GALNT15: variants seen among roughly 807,000 people sequenced by gnomAD.
GALNT15 encodes the protein polypeptide N-acetylgalactosaminyltransferase 15.
Under a neutral mutation model 66.8 loss-of-function variants are expected in GALNT15, and 67 were observed. The observed-to-expected ratio is 1.00, with a 90% CI of 0.82 to 1.23. The LOEUF is 1.23. Among genes scored for constraint, GALNT15 ranks in the 50% most tolerant of loss-of-function variants. The pLI is 0.00. For missense variants in GALNT15, 827 were observed against 804.3 expected (o/e 1.03, Z -0.34); for synonymous variants, 313 against 311.5 (o/e 1.00, Z -0.05).
chr3:16,233,880 T>C (rs573779132), downstream of GALNT15, among the ~76,000 whole-genome samples: 31 of 152,276 alleles, frequency 2.0e-4, no homozygotes, highest in Admixed American at 2.0e-3. Context: ...TAATATGGAT[T>C]TGGAATAACA....
Position 16,228,140 on chromosome 3 carries a change from C to T in GALNT15, c.*640C>T, listed in dbSNP as rs561299007. The T allele has an allele frequency of 1.2e-5, 12 of 985,954 alleles. No homozygotes were observed. Among genetic ancestry groups the T allele is most frequent in the Non-Finnish European group, 1.4e-5 (12 of 830,020 alleles). 61.1% of individuals were successfully genotyped at this position (985,954 alleles called of 1,614,324 possible). On this transcript the variant is annotated 3_prime_UTR_variant, in exon 10 of 10. Coordinates refer to ENST00000339732, the MANE Select transcript of GALNT15 (RefSeq NM_054110.5). ...AAGCTTCAAGAGATCTAGGAAAAGACATTTTCATGTTAATGAGAATTTCCA... is the reference window on the plus strand; with the variant it reads ...AAGCTTCAAGAGATCTAGGAAAAGATATTTTCATGTTAATGAGAATTTCCA...
rs2063581460 is a variant in GALNT15, at chr3:16,191,730, T to A, written c.540-4030T>A. ...GAGCTAGAGTTTAAATACAAATTTC[T>A]TTCATTGAAGGAGGCCCTGCTCCAT... On this transcript the variant is annotated intron_variant, in intron 1 of 9. Transcript: ENST00000339732. This position sits in a 1 kb window ranked among gnomAD's most constrained non-coding sequence, Gnocchi z 5.2. 6.6e-6 allele frequency among the ~76,000 whole-genome samples: 1 copy of A among 152,196 alleles called. No individual in the cohort carries two copies. The highest frequency in any genetic ancestry group is 2.4e-5 in the African/African-American group (1 of 41,438).
intron 8 of GALNT15, among the ~76,000 whole-genome samples, chr3:16,220,621 A>G (rs1310089514): frequency 6.6e-5 from 10 of 152,178 alleles, no homozygotes; most frequent in Admixed American, 6.5e-4. Context: ...CTTGTCCCCA[A>G]GTCTCTCTCT....
chr3:16,233,523 C>A (rs545816707), downstream of GALNT15, among the ~76,000 whole-genome samples: 2 of 152,128 alleles, frequency 1.3e-5, no homozygotes, highest in African/African-American at 2.4e-5. Context: ...GTTTTTTAAC[C>A]TTTTTTTGTT....
rs2063684969 is a variant in GALNT15, at chr3:16,200,260, A to AT, written c.707-357dup. Among the ~76,000 whole-genome samples the AT allele has an allele frequency of 6.6e-6, 1 of 152,136 alleles. No individual in the cohort carries two copies. The highest frequency in any genetic ancestry group is 2.4e-5 in the African/African-American group (1 of 41,424). ...CAGGTCCCTCCCTCGCCACATAGGGATTATGGGGATTACCACTCAAGATGA... is the reference window on the plus strand; with the variant it reads ...CAGGTCCCTCCCTCGCCACATAGGGATTTATGGGGATTACCACTCAAGATGA... On this transcript the variant is annotated intron_variant, in intron 2 of 9. Coordinates refer to ENST00000339732, the MANE Select transcript of GALNT15 (RefSeq NM_054110.5). This position sits in a 1 kb window ranked among gnomAD's most constrained non-coding sequence, Gnocchi z 4.4.
At chr3:16,198,463 C>T (rs2063663103) in intron 2 of GALNT15, among the ~76,000 whole-genome samples, 1 of 141,976 alleles carries the variant, frequency 7.0e-6, no homozygotes, top group Non-Finnish European at 1.6e-5. Flanking sequence ...GTGTTTTTAG[C>T]TGTCCCGAGA....
chr3:16,227,652 T>A lies in GALNT15; in HGVS notation c.*152T>A. 2 of 1,461,310 alleles carry A rather than the reference T, an allele frequency of 1.4e-6. No individual in the cohort carries two copies. Among genetic ancestry groups the A allele is most frequent in the East Asian group, 2.5e-5 (1 of 40,004 alleles). The allele number at this position is 1,461,310 out of a possible 1,614,324, so 90.5% of individuals were successfully genotyped here. A position where few individuals can be genotyped will look rare whatever the true frequency, so the allele number is the denominator to read the frequency against. The stretch of plus-strand genomic sequence containing the variant: ...AAGCTCTATGAAAGAATATAGGAAG[T>A]TTCTCCTTTTCACACCTTATTTCAT... On this transcript the variant is annotated 3_prime_UTR_variant, in exon 10 of 10. Coordinates refer to ENST00000339732, the MANE Select transcript of GALNT15 (RefSeq NM_054110.5). This position sits in a 1 kb window ranked among gnomAD's most constrained non-coding sequence, Gnocchi z 4.5.
At chr3:16,197,325 G>A (rs1245148017) in intron 2 of GALNT15, among the ~76,000 whole-genome samples, 1 of 152,182 alleles carries the variant, frequency 6.6e-6, no homozygotes, top group African/African-American at 2.4e-5. Context: ...CTCCCCTTCT[G>A]CCCCTCACCA....
intron 6 of GALNT15, among the ~76,000 whole-genome samples, chr3:16,217,627 T>C (rs770939373): frequency 6.6e-6 from 1 of 152,222 alleles, no homozygotes; most frequent in Non-Finnish European, 1.5e-5. Context: ...CTTTTGCTGC[T>C]TGGGGAGCTG....
At position 16,175,648 on chromosome 3, in the gene GALNT15, G is replaced by A. The variant is rs760843155; in HGVS notation, c.497G>A (p.Arg166His). 3.2e-5 allele frequency: 52 copies of A among 1,610,502 alleles called. No individual in the cohort carries two copies. The African/African-American group carries it at 3.5e-4, about 11-fold the overall frequency. The change falls in exon 1 of 10, where the codon CGC becomes CAC. Residue 166 changes from arginine to histidine, a missense_variant. Arg to His is a conservative substitution (Grantham distance 29, BLOSUM62 0). Transcript: ENST00000339732. The surrounding 1 kb of genome is among the most constrained non-coding windows in gnomAD (Gnocchi z 5.6). The stretch of plus-strand genomic sequence containing the variant: ...GGCCTCCAGGAGGCACTCAGTGCCC[G>A]CATCCCCCTCCAGAGGGCTCTGCCC... ...PRGLQEALSA[R>H]IPLQRALPEV...
chr3:16,212,858 A>G (rs1214043519), intron 6 of GALNT15, 95 bp downstream of exon 6: 2 of 1,108,238 alleles, frequency 1.8e-6, no homozygotes, highest in Non-Finnish European at 2.6e-6. Context: ...CTGGAGGGGA[A>G]AACAGAAGAT....
chr3:16,185,371 C>T (rs957184250), intron 1 of GALNT15, among the ~76,000 whole-genome samples: 10 of 152,222 alleles, frequency 6.6e-5, no homozygotes, highest in Non-Finnish European at 1.3e-4. Context: ...TATTTTGTGG[C>T]ACTTATATCT....
At chr3:16,247,546 C>G in the GALNT15 span, among the ~76,000 whole-genome samples, 3 of 152,250 alleles carry the variant, frequency 2.0e-5, no homozygotes, top group African/African-American at 7.2e-5. Context: ...AAGCAGCAGG[C>G]TGCACCCTTC....
rs2063731912 is a variant in GALNT15, at chr3:16,204,086, A to G, written c.911+3263A>G. 6.6e-6 allele frequency among the ~76,000 whole-genome samples: 1 copy of G among 151,816 alleles called. No individual in the cohort carries two copies. Among genetic ancestry groups the G allele is most frequent in the African/African-American group, 2.4e-5 (1 of 41,370 alleles). ...AAAAGTGGGGTGGGAGTGGTGAGTG[A>G]ACAGTGCAGTAAGCCACAAATCAGC... is the stretch of plus-strand genomic sequence containing the variant. On this transcript the variant is annotated intron_variant, in intron 3 of 9. Transcript: ENST00000339732. This position sits in a 1 kb window ranked among gnomAD's most constrained non-coding sequence, Gnocchi z 4.5.
At chr3:16,215,872 T>G (rs185977967) in intron 6 of GALNT15, among the ~76,000 whole-genome samples, 1 of 135,214 alleles carries the variant, frequency 7.4e-6, no homozygotes, top group Non-Finnish European at 1.5e-5. Flanking sequence ...ATCATGCCAC[T>G]GCACTCCAGC....
rs2063922085 is a variant in GALNT15, at chr3:16,219,810, G to T, written c.1525-100G>T. 2.9e-6 allele frequency: 3 copies of T among 1,028,350 alleles called. No individual in the cohort carries two copies. Among genetic ancestry groups the T allele is most frequent in the Admixed American group, 3.4e-5 (2 of 58,506 alleles). The allele number at this position is 1,028,350 out of a possible 1,614,324, so 63.7% of individuals were successfully genotyped here. A position where few individuals can be genotyped will look rare whatever the true frequency, so the allele number is the denominator to read the frequency against. On this transcript the variant is annotated intron_variant, in intron 7 of 9. Transcript: ENST00000339732. The surrounding 1 kb of genome is among the most constrained non-coding windows in gnomAD (Gnocchi z 4.3). Reference sequence around the variant, plus strand: ...TGTTGTGGCCTGAACAATGTGCCTTGGGCTGCACTCCAGAGAATACAGCAA... The same window carrying T: ...TGTTGTGGCCTGAACAATGTGCCTTTGGCTGCACTCCAGAGAATACAGCAA...
In GALNT15 at chr3:16,208,487, C is replaced by A; in HGVS notation, c.912-16C>A. 2.5e-6 allele frequency: 4 copies of A among 1,612,808 alleles called. No individual in the cohort carries two copies. Among genetic ancestry groups the A allele is most frequent in the Non-Finnish European group, 3.4e-6 (4 of 1,179,036 alleles). ...AATGCTTTACGTCCCTTGTTTAATT[C>A]CACAATTCTTTCCAGGAGCCGAGTG... On this transcript the variant is annotated splice_polypyrimidine_tract_variant and intron_variant, in intron 3 of 9. Coordinates refer to ENST00000339732, the MANE Select transcript of GALNT15 (RefSeq NM_054110.5).
In GALNT15 at chr3:16,183,928, A is replaced by G. The variant is rs1366879615; in HGVS notation, c.539+8238A>G. Among the ~76,000 whole-genome samples, 1 of 152,238 alleles carries G rather than the reference A, an allele frequency of 6.6e-6. No individual in the cohort carries two copies. The highest frequency in any genetic ancestry group is 1.5e-5 in the Non-Finnish European group (1 of 68,046). ...GCAGGAAAAGAGGGTGTGCATCTGTATGTAAACACAAGACACCAGACTCCT... is the reference window on the plus strand; with the variant it reads ...GCAGGAAAAGAGGGTGTGCATCTGTGTGTAAACACAAGACACCAGACTCCT... On this transcript the variant is annotated intron_variant, in intron 1 of 9. Transcript: ENST00000339732. The surrounding 1 kb of genome is among the most constrained non-coding windows in gnomAD (Gnocchi z 5.2).
chr3:16,211,086 T>A lies in GALNT15; in HGVS notation c.1080-38T>A. 1 of 1,489,156 alleles carries A rather than the reference T, an allele frequency of 6.7e-7. No individual in the cohort carries two copies. Among genetic ancestry groups the A allele is most frequent in the Non-Finnish European group, 9.4e-7 (1 of 1,067,314 alleles). 92.2% of individuals were successfully genotyped at this position (1,489,156 alleles called of 1,614,324 possible). On this transcript the variant is annotated intron_variant, in intron 4 of 9. Transcript: ENST00000339732. The surrounding 1 kb of genome is among the most constrained non-coding windows in gnomAD (Gnocchi z 4.3). ...CCAGCCTCGCCTGCTGTGCTCTGGG[T>A]TCTGAACTGCAGTGTCCTGCCTGTC...
Sources: gnomAD v4.1 joint callset for allele counts (sites outside exome capture counted in the v4.1 genomes callset) on GRCh38, gnomAD v4.1.1 for gene constraint, Gnocchi (gnomAD v3.1) non-coding constraint, MANE v1.5 for transcripts, NCBI Gene and HGNC (gene_info 2026-07-23, HGNC 2026-07-21) for gene names.